The following CSMD1 variants were observed in gnomAD, a reference collection of about 807,000 sequenced individuals.
CSMD1 encodes CUB and sushi domain-containing protein 1.
Under a neutral mutation model 417.5 loss-of-function variants are expected in CSMD1, and 213 were observed. The observed-to-expected ratio is 0.51, with a 90% CI of 0.46 to 0.57. The LOEUF (loss-of-function observed/expected upper bound fraction) is 0.57, where lower values mean the gene tolerates loss of function less well. CSMD1 is among the 20% of genes least tolerant of loss of function. CSMD1 has a pLI of 0.00. For synonymous variants in CSMD1, 2,862 were observed against 1,736.8 expected, an observed-to-expected ratio of 1.65 and a Z score of -16.11; for missense variants, 6,923 against 4,529.7, an observed-to-expected ratio of 1.53 and a Z score of -15.17.
intron 1 of CSMD1, among the ~76,000 whole-genome samples, chr8:4,947,938 G>A (rs1229211997): frequency 6.6e-6 from 1 of 151,908 alleles, no homozygotes; most frequent in Non-Finnish European, 1.5e-5. Context: ...GGTGCTTTGT[G>A]CGTTTATTCC....
At chr8:4,922,746 T>G (rs1806578801) in intron 1 of CSMD1, among the ~76,000 whole-genome samples, 1 of 152,052 alleles carries the variant, frequency 6.6e-6, no homozygotes, top group South Asian at 2.1e-4. Flanking sequence ...GCCCCTAGAT[T>G]GCCAGAGGTG....
chr8:4,949,596 T>C lies in CSMD1; in HGVS notation c.85+44736A>G, dbSNP rs141426421. 1.0e-3 allele frequency among the ~76,000 whole-genome samples: 158 copies of C among 152,296 alleles called. 1 individual carries two copies. Among genetic ancestry groups the C allele is most frequent in the African/African-American group, 3.7e-3 (155 of 41,572 alleles). ...AGTGATGCTGCCAAAGTTCCTGAAA[T>C]GCCCAGTCAATTGCCCTTCCACATC... On this transcript the variant is annotated intron_variant, in intron 1 of 69. Transcript: ENST00000635120.
intron 18 of CSMD1, among the ~76,000 whole-genome samples, chr8:3,377,932 G>C (rs562346231): frequency 1.3e-5 from 2 of 152,222 alleles, no homozygotes; most frequent in African/African-American, 2.4e-5. Flanking sequence ...TAACTTTATG[G>C]AGCTGAATAT....
At chr8:4,260,222 C>A (rs575630894) in intron 3 of CSMD1, among the ~76,000 whole-genome samples, 8 of 152,284 alleles carry the variant, frequency 5.3e-5, no homozygotes, top group African/African-American at 1.9e-4. Flanking sequence ...GGGGTGAACA[C>A]TACCTCTTTG....
chr8:4,727,875 C>T (rs1189513469), intron 1 of CSMD1, among the ~76,000 whole-genome samples: 1 of 147,478 alleles, frequency 6.8e-6, no homozygotes, highest in East Asian at 2.0e-4. Flanking sequence ...TAGCTTATAT[C>T]ACCAATATGT....
At chr8:3,266,155 C>A (rs977625623) in intron 26 of CSMD1, among the ~76,000 whole-genome samples, 5 of 150,836 alleles carry the variant, frequency 3.3e-5, no homozygotes, top group African/African-American at 1.2e-4. Context: ...TGAGACCAAC[C>A]CTCCAGGACA....
intron 9 of CSMD1, among the ~76,000 whole-genome samples, chr8:3,575,818 T>TA (rs1189760402): frequency 6.7e-6 from 1 of 149,406 alleles, no homozygotes; most frequent in African/African-American, 2.5e-5. Context: ...AAAAATAATT[T>TA]AATTGGCCTC....
intron 2 of CSMD1, among the ~76,000 whole-genome samples, chr8:4,583,578 A>G (rs546571880): frequency 6.6e-6 from 1 of 150,638 alleles, no homozygotes; most frequent in Non-Finnish European, 1.5e-5. Flanking sequence ...ATTTACCTCA[A>G]GGTTTGTGAG....
At chr8:4,134,126 T>C (rs1201908062) in intron 3 of CSMD1, among the ~76,000 whole-genome samples, 1 of 152,158 alleles carries the variant, frequency 6.6e-6, no homozygotes, top group Non-Finnish European at 1.5e-5. Flanking sequence ...AATATCAAAT[T>C]TTCTTTTATG....
chr8:4,578,135 C>T (rs1407346104), intron 2 of CSMD1, among the ~76,000 whole-genome samples: 1 of 152,208 alleles, frequency 6.6e-6, no homozygotes, highest in Non-Finnish European at 1.5e-5. Flanking sequence ...AAGTCCCCCA[C>T]ATCTTACCAC....
intron 1 of CSMD1, among the ~76,000 whole-genome samples, chr8:4,918,483 G>T (rs1395390389): frequency 1.3e-5 from 2 of 151,926 alleles, no homozygotes; most frequent in Non-Finnish European, 2.9e-5. Flanking sequence ...TCTGCACAAT[G>T]TGTATGTCTG....
intron 2 of CSMD1, among the ~76,000 whole-genome samples, chr8:4,452,624 G>C (rs934266986): frequency 6.6e-5 from 10 of 152,018 alleles, no homozygotes; most frequent in Admixed American, 2.6e-4. Context: ...TTTATGTGAA[G>C]TGCACAATGA....
At chr8:3,329,050 T>C (rs1007659507) in intron 23 of CSMD1, among the ~76,000 whole-genome samples, 4 of 152,212 alleles carry the variant, frequency 2.6e-5, no homozygotes, top group Middle Eastern at 3.4e-3. Context: ...TGGAGGCTGC[T>C]GTTGGCATGG....
At position 3,891,156 on chromosome 8, in the gene CSMD1, C is replaced by T. The variant is rs1381933092; in HGVS notation, c.818+106747G>A. Among the ~76,000 whole-genome samples the T allele has an allele frequency of 3.9e-5, 6 of 152,014 alleles. No individual in the cohort carries two copies. The East Asian group carries it at 5.8e-4, about 15-fold the overall frequency. On this transcript the variant is annotated intron_variant, in intron 5 of 69. Coordinates refer to ENST00000635120, the MANE Select transcript of CSMD1 (RefSeq NM_033225.6). ...CTCCACCTCTTGGGCTTAAGTGATCCTCCCTCAGCCTCCCAAGAAGCTGGG... is the reference window on the plus strand; with the variant it reads ...CTCCACCTCTTGGGCTTAAGTGATCTTCCCTCAGCCTCCCAAGAAGCTGGG...
chr8:4,928,224 C>A (rs936181008), intron 1 of CSMD1, among the ~76,000 whole-genome samples: 3 of 152,202 alleles, frequency 2.0e-5, no homozygotes, highest in Non-Finnish European at 2.9e-5. Flanking sequence ...GCATGTCTTG[C>A]TCTCTTGCTT....
At chr8:4,158,870 C>G (rs1422933289) in intron 3 of CSMD1, among the ~76,000 whole-genome samples, 4 of 152,160 alleles carry the variant, frequency 2.6e-5, no homozygotes, top group Non-Finnish European at 5.9e-5. Context: ...ATCTCAAGTC[C>G]TCAGTTTACT....
chr8:4,978,400 G>A (rs1375006908), intron 1 of CSMD1, among the ~76,000 whole-genome samples: 1 of 152,050 alleles, frequency 6.6e-6, no homozygotes, highest in East Asian at 1.9e-4. Flanking sequence ...AGCCCTCTAT[G>A]TTTAGTTTGG....
chr8:3,467,885 G>T (rs932874980), intron 12 of CSMD1, among the ~76,000 whole-genome samples: 1 of 152,128 alleles, frequency 6.6e-6, no homozygotes, highest in Non-Finnish European at 1.5e-5. Flanking sequence ...ATACACTTGG[G>T]AAATAAGAAC....
intron 3 of CSMD1, among the ~76,000 whole-genome samples, chr8:4,077,293 A>ATATG (rs1554439864): frequency 1.2e-5 from 1 of 84,540 alleles, no homozygotes; most frequent in African/African-American, 4.3e-5. Context: ...ATATATATAT[A>ATATG]TGTGTATATA....
Sources: gnomAD v4.1 joint callset for allele counts (sites outside exome capture counted in the v4.1 genomes callset) on GRCh38, gnomAD v4.1.1 for gene constraint, MANE v1.5 for transcripts, NCBI Gene and HGNC (gene_info 2026-07-23, HGNC 2026-07-21) for gene names.